The following MYO18B variants were observed in gnomAD, a reference collection of about 807,000 sequenced individuals.
MYO18B encodes unconventional myosin-XVIIIb.
Under a neutral mutation model 273.0 loss-of-function variants are expected in MYO18B, and 204 were observed. The ratio of observed to expected loss-of-function variants is 0.75; its 90% CI spans 0.67 to 0.84. MYO18B has a LOEUF of 0.84. Ranked by LOEUF, MYO18B falls within the 40% of genes least tolerant of loss-of-function variation. The pLI is 0.00. For missense variants in MYO18B, 3,212 were observed against 3,287.6 expected (o/e 0.98, Z 0.56); for synonymous variants, 1,330 against 1,305.7 (o/e 1.02, Z -0.40).
At chr22:25,907,450 T>C (rs943840526) in intron 31 of MYO18B, among the ~76,000 whole-genome samples, 1 of 152,200 alleles carries the variant, frequency 6.6e-6, no homozygotes, top group African/African-American at 2.4e-5. Flanking sequence ...GTTTTCGAAA[T>C]AATGGGGAAA....
chr22:26,048,273 G>T, the MYO18B span, among the ~76,000 whole-genome samples: 1 of 152,216 alleles, frequency 6.6e-6, no homozygotes, highest in Non-Finnish European at 1.5e-5. Flanking sequence ...AATTTTAAAA[G>T]ACTGCCCTGA....
At chr22:25,981,977 C>G (rs2093153229) in intron 39 of MYO18B, among the ~76,000 whole-genome samples, 1 of 152,092 alleles carries the variant, frequency 6.6e-6, no homozygotes, top group African/African-American at 2.4e-5. Context: ...GGAAGCATGG[C>G]TAAGGAGGCC....
chr22:25,824,155 C>T (rs7287162), intron 13 of MYO18B, among the ~76,000 whole-genome samples: 2,972 of 152,116 alleles, frequency 0.02, 106 homozygotes, highest in African/African-American at 0.066. Flanking sequence ...CTTGGGAAGC[C>T]GTGGAGTGGC....
chr22:25,770,187 G>T lies in MYO18B; in HGVS notation c.1579+11G>T, dbSNP rs562257377. 2.5e-6 allele frequency: 4 copies of T among 1,613,624 alleles called. No individual in the cohort carries two copies. Among genetic ancestry groups the T allele is most frequent in the African/African-American group, 1.3e-5 (1 of 74,910 alleles). ...ATGGATTTACTCTTGGTAAGTAGGGGTGTTAGCACCTTTGGAGGGTCTGAG... is the reference window on the plus strand; with the variant it reads ...ATGGATTTACTCTTGGTAAGTAGGGTTGTTAGCACCTTTGGAGGGTCTGAG... On this transcript the variant is annotated intron_variant, in intron 5 of 43. Coordinates refer to ENST00000335473, the MANE Select transcript of MYO18B (RefSeq NM_032608.7).
intron 1 of MYO18B, among the ~76,000 whole-genome samples, chr22:25,760,124 G>A (rs1226574324): frequency 1.3e-5 from 2 of 152,196 alleles, no homozygotes; most frequent in East Asian, 3.9e-4. Flanking sequence ...AGTCAGAATA[G>A]TGGTTTCCTG....
At chr22:26,003,473 T>C (rs1934160754) in intron 41 of MYO18B, among the ~76,000 whole-genome samples, 164 bp downstream of exon 41, 2 of 152,222 alleles carry the variant, frequency 1.3e-5, no homozygotes, top group South Asian at 4.1e-4. Context: ...GAACATCGTA[T>C]TGAACTGCCC....
At chr22:25,750,045 CAGA>C (rs1299821140) in intron 1 of MYO18B, among the ~76,000 whole-genome samples, 3 of 152,216 alleles carry the variant, frequency 2.0e-5, no homozygotes, top group South Asian at 2.1e-4. Context: ...CCTCAAAGCT[CAGA>C]AGATTTCCTA....
At position 25,876,227 on chromosome 22, in the gene MYO18B, G is replaced by T. The variant is rs2091192919; in HGVS notation, c.4119G>T (p.Val1373=). ...RLAAQCIQKN[V]AVFLAVKDWP... ...CTGCACAGTGCATCCAGAAGAATGT[G>T]GCTGTGTTCCTCGCAGTCAAGGACT... The change falls in exon 24 of 44, where the codon GTG becomes GTT. Residue 1373 remains valine (V), a synonymous_variant. Coordinates refer to ENST00000335473, the MANE Select transcript of MYO18B (RefSeq NM_032608.7). 1.2e-6 allele frequency: 2 copies of T among 1,613,260 alleles called. No individual in the cohort carries two copies. The highest frequency in any genetic ancestry group is 1.7e-5 in the Admixed American group (1 of 59,914).
intron 9 of MYO18B, 129 bp from the exon 10 acceptor site, chr22:25,781,605 G>A (rs1310642237): frequency 2.8e-4 from 52 of 188,652 alleles, no homozygotes; most frequent in African/African-American, 1.6e-3. Flanking sequence ...GCGAGACTCC[G>A]TCTCAAAAAA....
intron 42 of MYO18B, among the ~76,000 whole-genome samples, chr22:26,023,680 G>A (rs1345950065): frequency 2.6e-5 from 4 of 152,152 alleles, no homozygotes; most frequent in Admixed American, 2.0e-4. Context: ...GGTGGCAGGC[G>A]GTGGATGAGA....
chr22:26,009,468 G>A (rs909112491), intron 42 of MYO18B, among the ~76,000 whole-genome samples: 7 of 151,884 alleles, frequency 4.6e-5, no homozygotes, highest in African/African-American at 1.5e-4. Context: ...CTTTTGATTC[G>A]AGCTTCTCAG....
intron 25 of MYO18B, among the ~76,000 whole-genome samples, chr22:25,888,050 C>T (rs994650748): frequency 2.6e-5 from 4 of 152,158 alleles, no homozygotes; most frequent in African/African-American, 9.7e-5. Flanking sequence ...AGCACTCTTG[C>T]AGCAAGAATG....
chr22:25,868,340 G>T lies in MYO18B; in HGVS notation c.3906G>T (p.Glu1302Asp). ...CCCAGGCCGTGGAGGAGCTCCTGGA[G>T]ACCCTGGATCTGGAAAAGAAGGCGG... Reference protein sequence around the residue: ...DERKAVEELLETLDLEKKAVA... With the variant: ...DERKAVEELLDTLDLEKKAVA... Residue 1302 changes from glutamate (E) to aspartate (D), a missense_variant, in exon 22 of 44, where the codon GAG (glutamate) becomes GAT (aspartate). Physicochemically the swap from Glu to Asp is conservative, Grantham distance 45. Coordinates refer to ENST00000335473, the MANE Select transcript of MYO18B (RefSeq NM_032608.7). 1 of 1,604,486 alleles carries T rather than the reference G, an allele frequency of 6.2e-7. No individual in the cohort carries two copies. Among genetic ancestry groups the T allele is most frequent in the South Asian group, 1.1e-5 (1 of 88,488 alleles).
intron 21 of MYO18B, 57 bp from the exon 22 acceptor site, chr22:25,868,263 C>A: frequency 6.8e-7 from 1 of 1,463,096 alleles, no homozygotes; most frequent in East Asian, 2.4e-5. Context: ...TTGACTTTCC[C>A]CTTTAGGATC....
intron 34 of MYO18B, among the ~76,000 whole-genome samples, chr22:25,921,721 T>C (rs1777988545): frequency 1.7e-5 from 1 of 59,740 alleles, no homozygotes; most frequent in African/African-American, 3.6e-5. Context: ...TGTGTGTGTG[T>C]GTGTGTGTGT....
intron 12 of MYO18B, among the ~76,000 whole-genome samples, chr22:25,812,094 C>G (rs1053550024): frequency 6.6e-6 from 1 of 151,598 alleles, no homozygotes; most frequent in Non-Finnish European, 1.5e-5. Flanking sequence ...GCTGGACTCT[C>G]TGTCTGCCAT....
intron 39 of MYO18B, among the ~76,000 whole-genome samples, chr22:25,986,436 C>T (rs2093203278): frequency 6.6e-6 from 1 of 152,150 alleles, no homozygotes; most frequent in South Asian, 2.1e-4. Flanking sequence ...ATAGCCATTG[C>T]TACCACTTTG....
At chr22:25,901,958 G>A (rs1332132581) in intron 29 of MYO18B, among the ~76,000 whole-genome samples, 1 of 151,760 alleles carries the variant, frequency 6.6e-6, no homozygotes, top group African/African-American at 2.4e-5. Flanking sequence ...GATTACAAGT[G>A]CATGCCACGA....
At position 25,921,294 on chromosome 22, in the gene MYO18B, G is replaced by A. The variant is rs183362649; in HGVS notation, c.5402G>A (p.Arg1801Gln). The A allele has an allele frequency of 1.9e-4, 293 of 1,556,112 alleles. No homozygotes were observed. In the African/African-American group the frequency reaches 2.3e-3, roughly 12 times the overall value. ...GACTTTGATGTGGAGAAGCGACTTC[G>A]GAGAGACCTCAGGAGGACACATGCA... ...HRDFDVEKRL[R>Q]RDLRRTHALL... is the part of the protein sequence containing the mutation. Residue 1801 changes from arginine to glutamine, a missense_variant, in exon 34 of 44, where the codon CGG (arginine) becomes CAG (glutamine). Coordinates refer to ENST00000335473, the MANE Select transcript of MYO18B (RefSeq NM_032608.7).
Sources: gnomAD v4.1 joint callset for allele counts (sites outside exome capture counted in the v4.1 genomes callset) on GRCh38, gnomAD v4.1.1 for gene constraint, MANE v1.5 for transcripts, NCBI Gene and HGNC (gene_info 2026-07-23, HGNC 2026-07-21) for gene names.